ITGA9: variants seen among roughly 807,000 people sequenced by gnomAD.
ITGA9 encodes the protein integrin subunit alpha 9.
ITGA9 carries 56 observed loss-of-function variants against 127.8 expected under a neutral mutation model. That is an observed-to-expected ratio of 0.44 (90% CI 0.35 to 0.55). ITGA9 has a LOEUF of 0.55. ITGA9 is among the 20% of genes least tolerant of loss of function. The pLI is 0.00. For missense variants in ITGA9, 1,196 were observed against 1,347.1 expected (o/e 0.89, Z 1.76); for synonymous variants, 508 against 514.5 (o/e 0.99, Z 0.17).
Position 37,478,010 on chromosome 3 carries a change from C to T in ITGA9, c.421-3474C>T, listed in dbSNP as rs560388574. ...AAGTGAACTTTTTATTGAGCTGTAA[C>T]ACACATGCAGAAAAAGGTATAAATC... On this transcript the variant is annotated intron_variant, in intron 3 of 27. Transcript: ENST00000264741. 5.7e-4 allele frequency among the ~76,000 whole-genome samples: 87 copies of T among 152,094 alleles called. 2 individuals are homozygous for T. The South Asian group carries it at 0.017, about 30-fold the overall frequency.
chr3:37,611,044 A>G (rs1700011277), intron 15 of ITGA9, among the ~76,000 whole-genome samples: 1 of 152,226 alleles, frequency 6.6e-6, no homozygotes, highest in African/African-American at 2.4e-5. Flanking sequence ...AAAAAAAAGT[A>G]AAGCATCAGG....
intron 14 of ITGA9, among the ~76,000 whole-genome samples, chr3:37,536,132 A>G (rs1699205503): frequency 6.6e-6 from 1 of 152,222 alleles, no homozygotes; most frequent in Admixed American, 6.5e-5. Flanking sequence ...CAGGACACAG[A>G]TACCCTCCAC....
intron 18 of ITGA9, among the ~76,000 whole-genome samples, chr3:37,714,363 T>C (rs1453068743): frequency 6.6e-6 from 1 of 152,218 alleles, no homozygotes; most frequent in Non-Finnish European, 1.5e-5. Context: ...TCATTTATTT[T>C]AGAAGGGGAA....
At chr3:37,654,671 A>G (rs1234018884) in intron 17 of ITGA9, among the ~76,000 whole-genome samples, 1 of 152,184 alleles carries the variant, frequency 6.6e-6, no homozygotes, top group Non-Finnish European at 1.5e-5. Context: ...ATATACTATT[A>G]TGAACCAGTG....
chr3:37,698,198 G>T (rs1234387283), intron 18 of ITGA9, among the ~76,000 whole-genome samples: 2 of 151,804 alleles, frequency 1.3e-5, no homozygotes, highest in Non-Finnish European at 2.9e-5. Flanking sequence ...TTTTTTTCTT[G>T]TACATTTGTT....
At chr3:37,711,794 A>G (rs1296132821) in intron 18 of ITGA9, among the ~76,000 whole-genome samples, 1 of 152,228 alleles carries the variant, frequency 6.6e-6, no homozygotes, top group Non-Finnish European at 1.5e-5. Context: ...TACACTTATA[A>G]GTTAAGTACC....
intron 18 of ITGA9, among the ~76,000 whole-genome samples, chr3:37,716,971 G>A (rs1160117305): frequency 6.6e-6 from 1 of 152,118 alleles, no homozygotes; most frequent in Non-Finnish European, 1.5e-5. Context: ...ATTGCGTATT[G>A]ATCACCGAGG....
intron 17 of ITGA9, among the ~76,000 whole-genome samples, chr3:37,678,040 A>G (rs1700698998): frequency 6.6e-6 from 1 of 152,186 alleles, no homozygotes; most frequent in Non-Finnish European, 1.5e-5. Flanking sequence ...TGGGGATTGT[A>G]TGTGTAGTAC....
intron 16 of ITGA9, among the ~76,000 whole-genome samples, chr3:37,632,310 T>A (rs564941970): frequency 1.3e-5 from 2 of 152,310 alleles, no homozygotes; most frequent in Non-Finnish European, 2.9e-5. Context: ...AAGGGAGGAA[T>A]GAAAGGCAAG....
At chr3:37,557,146 T>C (rs1483161345) in intron 15 of ITGA9, among the ~76,000 whole-genome samples, 2 of 152,350 alleles carry the variant, frequency 1.3e-5, no homozygotes, top group South Asian at 2.1e-4. Flanking sequence ...CAAGCTCTTA[T>C]TAAGCAGAAA....
chr3:37,525,538 C>T (rs909938826), intron 12 of ITGA9, among the ~76,000 whole-genome samples: 2 of 152,046 alleles, frequency 1.3e-5, no homozygotes, highest in African/African-American at 4.8e-5. Flanking sequence ...CCAAGAGTCA[C>T]TGAATTCTAG....
intron 17 of ITGA9, among the ~76,000 whole-genome samples, chr3:37,669,273 G>A (rs1463040820): frequency 6.6e-6 from 1 of 152,230 alleles, no homozygotes; most frequent in East Asian, 1.9e-4. Flanking sequence ...CCCTTGCCCT[G>A]CCTGGGAGGG....
chr3:37,680,744 G>A (rs1700727112), intron 17 of ITGA9, among the ~76,000 whole-genome samples: 1 of 152,118 alleles, frequency 6.6e-6, no homozygotes, highest in Non-Finnish European at 1.5e-5. Context: ...ATAAAGCTAG[G>A]TTAGCACTCT....
intron 8 of ITGA9, among the ~76,000 whole-genome samples, chr3:37,512,170 T>TTTC (rs1559524930): frequency 3.2e-5 from 1 of 30,788 alleles, no homozygotes; most frequent in Non-Finnish European, 5.9e-5. Flanking sequence ...TTTTCTTTTC[T>TTTC]TTTCTTTTCT....
At chr3:37,573,276 C>A (rs1447759107) in intron 15 of ITGA9, 3 of 152,190 alleles carry the variant, frequency 2.0e-5, no homozygotes, top group African/African-American at 7.2e-5. Flanking sequence ...TGTGTTTAAA[C>A]CCCTGGCTGG....
chr3:37,805,425 T>C (rs1485758657), intron 27 of ITGA9, among the ~76,000 whole-genome samples: 2 of 152,168 alleles, frequency 1.3e-5, no homozygotes, highest in Non-Finnish European at 2.9e-5. Context: ...TCTTTCCATA[T>C]TGTTCAAAGC....
intron 15 of ITGA9, among the ~76,000 whole-genome samples, chr3:37,592,948 C>T (rs1016763789): frequency 6.6e-6 from 1 of 152,192 alleles, no homozygotes; most frequent in Non-Finnish European, 1.5e-5. Context: ...TAGCTGTACT[C>T]CATAGCCTGA....
intron 22 of ITGA9, 61 bp downstream of exon 22, chr3:37,744,095 C>A: frequency 9.0e-7 from 1 of 1,111,154 alleles, no homozygotes; most frequent in Non-Finnish European, 1.4e-6. Flanking sequence ...CATGGGATGT[C>A]TCTCCTACAG....
intron 23 of ITGA9, among the ~76,000 whole-genome samples, chr3:37,757,749 T>C (rs1266257647): frequency 1.3e-5 from 2 of 151,602 alleles, no homozygotes; most frequent in East Asian, 3.9e-4. Flanking sequence ...AACTAGACTA[T>C]CTTAGAAAAA....
Sources: allele counts gnomAD v4.1 joint callset (sites outside exome capture counted in the v4.1 genomes callset), GRCh38; gene constraint gnomAD v4.1.1; transcripts MANE v1.5; gene names NCBI Gene and HGNC (gene_info 2026-07-23, HGNC 2026-07-21).